The following BIRC6 variants were observed in gnomAD, a reference collection of about 807,000 sequenced individuals.
BIRC6 encodes baculoviral IAP repeat containing 6.
In BIRC6, 98 loss-of-function variants were observed where a neutral mutation model predicts 503.3. The observed-to-expected ratio is 0.19, with a 90% CI of 0.17 to 0.23. The LOEUF (loss-of-function observed/expected upper bound fraction) is 0.23. BIRC6 is among the 10% of genes least tolerant of loss of function. BIRC6 has a pLI of 1.00. For synonymous variants in BIRC6, 2,240 were observed against 2,078.7 expected, an observed-to-expected ratio of 1.08 and a Z score of -2.11; for missense variants, 5,360 against 5,806.0, an observed-to-expected ratio of 0.92 and a Z score of 2.50.
intron 50 of BIRC6, 96 bp from the exon 51 acceptor site, chr2:32,507,884 A>G (rs2149560050): frequency 3.4e-6 from 4 of 1,171,144 alleles, no homozygotes; most frequent in Non-Finnish European, 4.7e-6. Flanking sequence ...CATGATGAAT[A>G]CAACTGTGAA....
chr2:32,575,553 A>G (rs1296007728), intron 66 of BIRC6, among the ~76,000 whole-genome samples, 187 bp downstream of exon 66: 1 of 152,174 alleles, frequency 6.6e-6, no homozygotes, highest in East Asian at 1.9e-4. Flanking sequence ...TCACGAGGTC[A>G]GGAGATCAAG....
At position 32,499,885 on chromosome 2, in the gene BIRC6, G is replaced by A. The variant is rs2052945255; in HGVS notation, c.8807G>A (p.Gly2936Asp). 1 of 1,613,994 alleles carries A rather than the reference G, an allele frequency of 6.2e-7. No individual in the cohort carries two copies. The highest frequency in any genetic ancestry group is 8.5e-7 in the Non-Finnish European group (1 of 1,179,882). ...ATTTTAGTGCAGCTGCCTCTTTCAG[G>A]CAATAGGGAATACAGTGCAAGAGTG... Reference protein sequence around the residue: ...VNILVQLPLSGNREYSARVSV... With the variant: ...VNILVQLPLSDNREYSARVSV... The change falls in exon 46 of 74, where the codon GGC (glycine) becomes GAC (aspartate). Residue 2936 changes from glycine (G) to aspartate (D), a missense_variant. Transcript: ENST00000421745.
intron 65 of BIRC6, among the ~76,000 whole-genome samples, chr2:32,574,160 C>CT (rs1055060322): frequency 0.017 from 2,155 of 124,662 alleles, 26 homozygotes; most frequent in South Asian, 0.051. Context: ...ATAACTTTTT[C>CT]TTTTTTTTTT....
chr2:32,396,593 T>G (rs1339488217), intron 6 of BIRC6, among the ~76,000 whole-genome samples: 1 of 152,224 alleles, frequency 6.6e-6, no homozygotes, highest in African/African-American at 2.4e-5. Flanking sequence ...ACCCATTGGA[T>G]ACCTGAAACA....
intron 1 of BIRC6, among the ~76,000 whole-genome samples, chr2:32,377,364 T>C (rs1476230547): frequency 3.3e-5 from 5 of 152,082 alleles, no homozygotes; most frequent in Non-Finnish European, 5.9e-5. Flanking sequence ...ATAATAGCAA[T>C]TTGGTTGTCA....
At chr2:32,545,010 T>TA (rs1017801479) in intron 62 of BIRC6, among the ~76,000 whole-genome samples, 1 of 152,116 alleles carries the variant, frequency 6.6e-6, no homozygotes, top group African/African-American at 2.4e-5. Context: ...TCAACACTGT[T>TA]ACCACAGAGT....
At chr2:32,523,042 C>G (rs1234345066) in intron 57 of BIRC6, 2 of 152,208 alleles carry the variant, frequency 1.3e-5, no homozygotes, top group African/African-American at 4.8e-5. Flanking sequence ...CCAGGCATCA[C>G]TGCCCTGCCC....
At position 32,467,645 on chromosome 2, in the gene BIRC6, T is replaced by C. The variant is rs757283681; in HGVS notation, c.5477T>C (p.Val1826Ala). The C allele has an allele frequency of 6.2e-7, 1 of 1,613,826 alleles. No homozygotes were observed. Among genetic ancestry groups the C allele is most frequent in the South Asian group, 1.1e-5 (1 of 91,082 alleles). Residue 1826 changes from valine to alanine, a missense_variant, in exon 27 of 74, where the codon GTG becomes GCG. Around this residue, in one of 16 missense-constraint regions of BIRC6, gnomAD observed 2,299 missense variants for 2,267.2 expected, o/e 1.01. Coordinates refer to ENST00000421745, the MANE Select transcript of BIRC6 (RefSeq NM_016252.4). Reference sequence around the variant, plus strand: ...GACATTTGGACATTAGGAGAAGAGGTGGATGGAAGGCGGTTGGTAGTGGCA... The same window carrying C: ...GACATTTGGACATTAGGAGAAGAGGCGGATGGAAGGCGGTTGGTAGTGGCA... ...SIDIWTLGEEVDGRRLVVATD... is the reference protein window; with the variant it reads ...SIDIWTLGEEADGRRLVVATD...
chr2:32,456,220 T>A (rs2047244955), intron 23 of BIRC6, among the ~76,000 whole-genome samples: 1 of 152,352 alleles, frequency 6.6e-6, no homozygotes, highest in Non-Finnish European at 1.5e-5. Flanking sequence ...CACTTAATGA[T>A]GCATTCTTGA....
At chr2:32,546,693 A>G (rs967947126) in intron 63 of BIRC6, among the ~76,000 whole-genome samples, 3 of 152,242 alleles carry the variant, frequency 2.0e-5, no homozygotes, top group African/African-American at 7.2e-5. Flanking sequence ...AGCAACAGAC[A>G]TAAAATGAGC....
At chr2:32,509,694 T>G (rs201168562) in intron 51 of BIRC6, 44 bp from the exon 52 acceptor site, 77 of 1,607,738 alleles carry the variant, frequency 4.8e-5, no homozygotes, top group East Asian at 8.9e-5. Context: ...CCGAAGTGAT[T>G]TGAGCGACTT....
intron 65 of BIRC6, chr2:32,558,914 G>GT (rs550770118): frequency 2.0e-4 from 31 of 152,148 alleles, no homozygotes; most frequent in Admixed American, 5.9e-4. Context: ...CTATTTTTTA[G>GT]TTTTTTTAGG....
intron 19 of BIRC6, among the ~76,000 whole-genome samples, chr2:32,443,107 A>T (rs1028778558): frequency 6.6e-6 from 1 of 152,230 alleles, no homozygotes; most frequent in Admixed American, 6.5e-5. Flanking sequence ...TGGTCTCTCA[A>T]CATGTCTTAT....
intron 64 of BIRC6, 99 bp from the exon 65 acceptor site, chr2:32,549,214 A>C (rs2058271556): frequency 6.2e-6 from 5 of 805,706 alleles, no homozygotes; most frequent in Non-Finnish European, 9.0e-6. Flanking sequence ...ATTAAGTAGA[A>C]AATATGTACT....
chr2:32,451,950 A>G (rs2046779631), intron 22 of BIRC6, among the ~76,000 whole-genome samples: 1 of 152,196 alleles, frequency 6.6e-6, no homozygotes, highest in Admixed American at 6.5e-5. Context: ...CCAAATGATC[A>G]ATGCATGATG....
intron 3 of BIRC6, among the ~76,000 whole-genome samples, chr2:32,382,110 A>C (rs944894405): frequency 1.3e-5 from 2 of 152,332 alleles, no homozygotes; most frequent in African/African-American, 4.8e-5. Context: ...AGAGATAACT[A>C]TAGGAAGCAG....
In BIRC6 at chr2:32,505,044, A is replaced by G; in HGVS notation, c.9539A>G (p.Glu3180Gly). ...AGCAGTCCTACTGCCCAACCAGCTG[A>G]AGTGCTATTGCAGGCCACACCTCCT... ...TSSSPTAQPA[E>G]VLLQATPPHR... The change falls in exon 50 of 74, where the codon GAA becomes GGA. Residue 3180 changes from glutamate to glycine, a missense_variant. Around this residue, in one of 16 missense-constraint regions of BIRC6, gnomAD observed 267 missense variants for 287.6 expected, o/e 0.93. Coordinates refer to ENST00000421745, the MANE Select transcript of BIRC6 (RefSeq NM_016252.4). 1 of 1,613,836 alleles carries G rather than the reference A, an allele frequency of 6.2e-7. No homozygotes were observed. The highest frequency in any genetic ancestry group is 8.5e-7 in the Non-Finnish European group (1 of 1,179,818).
At chr2:32,518,692 T>C (rs2055328133) in intron 56 of BIRC6, 125 bp from the exon 57 acceptor site, 3 of 1,184,782 alleles carry the variant, frequency 2.5e-6, no homozygotes, top group African/African-American at 1.5e-5. Flanking sequence ...CTATGCCATA[T>C]CTAAATTAAT....
chr2:32,478,872 A>C, intron 36 of BIRC6, 54 bp downstream of exon 36: 1 of 1,549,292 alleles, frequency 6.5e-7, no homozygotes, highest in Non-Finnish European at 8.9e-7. Context: ...GTCATTGCTC[A>C]ACTAAGAATC....
Sources: gnomAD v4.1 joint callset for allele counts (sites outside exome capture counted in the v4.1 genomes callset) on GRCh38, gnomAD v4.1.1 for gene constraint, gnomAD v4.1.1 regional missense constraint, MANE v1.5 for transcripts, NCBI Gene and HGNC (gene_info 2026-07-23, HGNC 2026-07-21) for gene names.